Variants in TBCK observed in about 807,000 individuals in gnomAD.
TBCK encodes the protein TBC domain-containing protein kinase-like protein.
In TBCK, 99 loss-of-function variants were observed where a neutral mutation model predicts 113.4. The ratio of observed to expected loss-of-function variants is 0.87; its 90% CI spans 0.74 to 1.03. The LOEUF (loss-of-function observed/expected upper bound fraction) is 1.03. TBCK is among the 50% of genes least tolerant of loss of function. The pLI is 0.00. For synonymous variants in TBCK, 369 were observed against 370.8 expected (o/e 1.00, Z 0.05); for missense variants, 1,045 against 1,061.3 (o/e 0.98, Z 0.21).
At chr4:106,082,260 G>C (rs941959927) in intron 25 of TBCK, among the ~76,000 whole-genome samples, 1 of 152,184 alleles carries the variant, frequency 6.6e-6, no homozygotes, top group Admixed American at 6.5e-5. Flanking sequence ...TGCAGCCACA[G>C]AAAGAATGAA....
intron 23 of TBCK, among the ~76,000 whole-genome samples, chr4:106,155,039 T>C (rs947829275): frequency 4.6e-5 from 7 of 152,244 alleles, no homozygotes; most frequent in East Asian, 3.9e-4. Context: ...ACTTGTAGGA[T>C]AGGTCTGGTA....
At position 106,161,062 on chromosome 4, in the gene TBCK, A is replaced by G. The variant is rs1030602504; in HGVS notation, c.2235+10033T>C. On this transcript the variant is annotated intron_variant, in intron 23 of 25. Coordinates refer to ENST00000394708, the MANE Select transcript of TBCK (RefSeq NM_001163435.3). ...GAGGAGGGGAGAATAAGGAATTACA[A>G]TGGAATGGGTACAGAGGTGCAGTTT... 3.3e-5 allele frequency among the ~76,000 whole-genome samples: 5 copies of G among 152,020 alleles called. No homozygotes were observed. The East Asian group carries it at 9.6e-4, about 29-fold the overall frequency.
chr4:106,213,965 T>C (rs373198368), intron 19 of TBCK, among the ~76,000 whole-genome samples: 10 of 152,254 alleles, frequency 6.6e-5, no homozygotes, highest in East Asian at 3.9e-4. Flanking sequence ...CTTAAATGTC[T>C]CTGTCTGACA....
intron 23 of TBCK, among the ~76,000 whole-genome samples, chr4:106,136,950 T>A (rs1746631313): frequency 7.2e-6 from 1 of 139,844 alleles, no homozygotes; most frequent in Non-Finnish European, 1.6e-5. Context: ...TATACAGGAG[T>A]TAAAGGTCAA....
rs556882255 is a variant in TBCK at position 106,233,486 on chromosome 4, T to C, written c.1512+102A>G. The C allele has an allele frequency of 1.7e-5, 14 of 843,448 alleles. No individual in the cohort carries two copies. In the Admixed American group the frequency reaches 3.0e-4, roughly 18 times the overall value. The allele number at this position is 843,448 out of a possible 1,614,324, so 52.2% of individuals were successfully genotyped here. A position where few individuals can be genotyped will look rare whatever the true frequency, so the allele number is the denominator to read the frequency against. On this transcript the variant is annotated intron_variant, in intron 16 of 25. Transcript: ENST00000394708. ...CTAACAATATATGTATGCAGCAGTG[T>C]CTCTGTATTCATGAGAGAAAGAGGC... is the stretch of plus-strand genomic sequence containing the variant.
chr4:106,304,614 T>C (rs1336709873), intron 2 of TBCK, among the ~76,000 whole-genome samples: 1 of 152,178 alleles, frequency 6.6e-6, no homozygotes, highest in Non-Finnish European at 1.5e-5. Context: ...AAAATATTAA[T>C]ATTACTAACC....
rs553034979 is a variant in TBCK, at chr4:106,131,569, C to A, written c.2236-15191G>T. On this transcript the variant is annotated intron_variant, in intron 23 of 25. Transcript: ENST00000394708. ...CGGAGGTTGCAGCGAGCCAAGATCG[C>A]ATCACTGCACTCCAGCCTGGGCAAC... Among the ~76,000 whole-genome samples, 10 of 152,270 alleles carry A rather than the reference C, an allele frequency of 6.6e-5. No individual in the cohort carries two copies. The East Asian group carries it at 1.9e-3, about 29-fold the overall frequency.
At chr4:106,314,876 C>G (rs1193780627) in intron 1 of TBCK, among the ~76,000 whole-genome samples, 2 of 151,970 alleles carry the variant, frequency 1.3e-5, no homozygotes, top group African/African-American at 4.8e-5. Flanking sequence ...CCACCCGCCT[C>G]GACCTCCCAA....
chr4:106,062,007 T>G (rs1227655798), intron 25 of TBCK, among the ~76,000 whole-genome samples: 1 of 151,820 alleles, frequency 6.6e-6, no homozygotes, highest in African/African-American at 2.4e-5. Context: ...TGTGGAACAC[T>G]TTACACATAA....
At position 106,095,511 on chromosome 4, in the gene TBCK, C is replaced by T. The variant is rs369393998; in HGVS notation, c.2542G>A (p.Val848Met). The change falls in exon 25 of 26, where the codon GTG becomes ATG. Residue 848 changes from valine to methionine, a missense_variant. Coordinates refer to ENST00000394708, the MANE Select transcript of TBCK (RefSeq NM_001163435.3). ...GCTGTGTGTTTTGCCACATGCCCCACGATGACAATGACCTTCCCTTTGAAG... is the reference window on the plus strand; with the variant it reads ...GCTGTGTGTTTTGCCACATGCCCCATGATGACAATGACCTTCCCTTTGAAG... ...QNFKGKVIVI[V>M]GHVAKHTAEF... The T allele has an allele frequency of 1.8e-5, 29 of 1,613,812 alleles. No homozygotes were observed. The highest frequency in any genetic ancestry group is 4.0e-5 in the African/African-American group (3 of 74,934).
At chr4:106,105,448 G>T (rs1742037594) in intron 24 of TBCK, among the ~76,000 whole-genome samples, 1 of 152,202 alleles carries the variant, frequency 6.6e-6, no homozygotes, top group African/African-American at 2.4e-5. Flanking sequence ...GCAGTGGGCA[G>T]CCCAGGAGTG....
At chr4:106,056,292 A>C (rs1169022341) in intron 25 of TBCK, among the ~76,000 whole-genome samples, 1 of 149,006 alleles carries the variant, frequency 6.7e-6, no homozygotes, top group Non-Finnish European at 1.5e-5. Context: ...TTTTGTAGAA[A>C]CAAGGTCTCG....
At chr4:106,098,931 C>T (rs1042507828) in intron 24 of TBCK, among the ~76,000 whole-genome samples, 3 of 151,926 alleles carry the variant, frequency 2.0e-5, no homozygotes, top group Middle Eastern at 3.2e-3. Context: ...AATTTGATAG[C>T]CCAATGCACA....
rs1053240002 is a variant in TBCK at position 106,133,749 on chromosome 4, G to A, written c.2236-17371C>T. ...ATTTAGGCTGGTCGTGATGGCTCAC[G>A]CCTGTAATCCCAGCACTTTGGGAGG... On this transcript the variant is annotated intron_variant, in intron 23 of 25. Coordinates refer to ENST00000394708, the MANE Select transcript of TBCK (RefSeq NM_001163435.3). Among the ~76,000 whole-genome samples, 4 of 152,172 alleles carry A rather than the reference G, an allele frequency of 2.6e-5. No individual in the cohort carries two copies. In the East Asian group the frequency reaches 5.8e-4, roughly 22 times the overall value.
intron 3 of TBCK, among the ~76,000 whole-genome samples, chr4:106,275,598 A>C (rs1183503309): frequency 6.6e-6 from 1 of 152,210 alleles, no homozygotes; most frequent in African/African-American, 2.4e-5. Context: ...AGAAAGTGTC[A>C]ATATAAAAAA....
chr4:106,240,353 T>A (rs1463826702), intron 12 of TBCK, among the ~76,000 whole-genome samples: 2 of 146,928 alleles, frequency 1.4e-5, no homozygotes, highest in Non-Finnish European at 3.0e-5. Flanking sequence ...GCAAAAATAA[T>A]GAGAAAAGAT....
chr4:106,141,241 T>C lies in TBCK; in HGVS notation c.2236-24863A>G, dbSNP rs1184106050. On this transcript the variant is annotated intron_variant, in intron 23 of 25. Coordinates refer to ENST00000394708, the MANE Select transcript of TBCK (RefSeq NM_001163435.3). Reference sequence around the variant, plus strand: ...AAAATTGAAAAAGGTAAAATTATAATTTGTAGATGATAAATAGAAAATTTG... The same window carrying C: ...AAAATTGAAAAAGGTAAAATTATAACTTGTAGATGATAAATAGAAAATTTG... Among the ~76,000 whole-genome samples the C allele has an allele frequency of 1.4e-5, 2 of 140,400 alleles. 1 individual carries two copies. Among genetic ancestry groups the C allele is most frequent in the Non-Finnish European group, 3.2e-5 (2 of 61,852 alleles). 92.1% of individuals were successfully genotyped at this position (140,400 alleles called of 152,430 possible). A position where few individuals can be genotyped will look rare whatever the true frequency, so the allele number is the denominator to read the frequency against.
chr4:106,217,898 C>A (rs1757162948), intron 19 of TBCK, among the ~76,000 whole-genome samples: 1 of 145,588 alleles, frequency 6.9e-6, no homozygotes, highest in Non-Finnish European at 1.5e-5. Context: ...CAAAAAAGAG[C>A]CCGCATCGCC....
At chr4:106,243,041 CTCA>C (rs1760353795) in intron 11 of TBCK, among the ~76,000 whole-genome samples, 1 of 152,024 alleles carries the variant, frequency 6.6e-6, no homozygotes, top group Admixed American at 6.6e-5. Context: ...AGGACATGAA[CTCA>C]TCATTTTTTA....
Sources: allele counts gnomAD v4.1 joint callset (sites outside exome capture counted in the v4.1 genomes callset), GRCh38; gene constraint gnomAD v4.1.1; transcripts MANE v1.5; gene names NCBI Gene and HGNC (gene_info 2026-07-23, HGNC 2026-07-21).